FMN1: variants seen among roughly 807,000 people sequenced by gnomAD.
FMN1 encodes the protein formin-1.
A neutral mutation model predicts 132.4 loss-of-function variants in FMN1; 110 were observed. That is an observed-to-expected ratio of 0.83 (90% CI 0.71 to 0.97). FMN1 has a LOEUF of 0.97. Among genes scored for constraint, FMN1 ranks in the 50% least tolerant of loss-of-function variants. The pLI, the probability that FMN1 is intolerant of heterozygous loss-of-function variation, is 0.00. For synonymous variants in FMN1, 722 were observed against 651.7 expected (o/e 1.11, Z -1.64); for missense variants, 1,792 against 1,705.3 (o/e 1.05, Z -0.90).
intron 17 of FMN1, among the ~76,000 whole-genome samples, chr15:32,848,988 T>TTG (rs1555472109): frequency 4.4e-5 from 6 of 136,956 alleles, no homozygotes; most frequent in African/African-American, 1.7e-4. Context: ...TTTTTTTTTT[T>TTG]TTTTTTTTTT....
intron 6 of FMN1, among the ~76,000 whole-genome samples, chr15:33,030,026 C>T (rs1434545526): frequency 6.6e-6 from 1 of 152,068 alleles, no homozygotes; most frequent in Non-Finnish European, 1.5e-5. Context: ...GGCGTGGTGG[C>T]GGGTACCTGT....
chr15:32,847,580 C>T lies in FMN1; in HGVS notation c.3928+9435G>A, dbSNP rs7172013. ...TAAAAAACTAAGAGTTAAGGCCGGGCGTGGTGGCTCATGCCTGTAATCCCA... is the reference window on the plus strand; with the variant it reads ...TAAAAAACTAAGAGTTAAGGCCGGGTGTGGTGGCTCATGCCTGTAATCCCA... On this transcript the variant is annotated intron_variant, in intron 17 of 20. Transcript: ENST00000616417. Among the ~76,000 whole-genome samples the T allele has an allele frequency of 1.9e-3, 296 of 152,106 alleles. 2 individuals carry two copies. Among genetic ancestry groups the T allele is most frequent in the African/African-American group, 6.8e-3 (283 of 41,470 alleles).
intron 19 of FMN1, among the ~76,000 whole-genome samples, chr15:32,783,673 C>G (rs28449688): frequency 0.39 from 53,498 of 137,468 alleles, 10,503 homozygotes; most frequent in Middle Eastern, 0.48. Flanking sequence ...AACCCGGGGT[C>G]GGGGGAGCTT....
intron 16 of FMN1, among the ~76,000 whole-genome samples, chr15:32,861,263 C>T (rs2059262019): frequency 6.6e-6 from 1 of 152,246 alleles, no homozygotes; most frequent in Non-Finnish European, 1.5e-5. Context: ...GAAAGCAAAG[C>T]TGAAGGCAGA....
rs200723918 is a variant in FMN1 at position 32,766,534 on chromosome 15, C to T, written c.*7776G>A. 3.1e-5 allele frequency: 4 copies of T among 130,070 alleles called. No homozygotes were observed. The highest frequency in any genetic ancestry group is 1.6e-5 in the Non-Finnish European group (1 of 62,834). 8.1% of individuals were successfully genotyped at this position (130,070 alleles called of 1,614,324 possible). On this transcript the variant is annotated 3_prime_UTR_variant, in exon 21 of 21. Transcript: ENST00000616417. Reference sequence around the variant, plus strand: ...TTGAGAAGGCCTAGAATAAGAACCCCCCCCCCACCCCGCCCAATCTTCTTA... The same window carrying T: ...TTGAGAAGGCCTAGAATAAGAACCCTCCCCCCACCCCGCCCAATCTTCTTA...
intron 9 of FMN1, among the ~76,000 whole-genome samples, chr15:32,940,905 A>T (rs1004851284): frequency 2.0e-5 from 3 of 152,142 alleles, no homozygotes; most frequent in African/African-American, 7.2e-5. Flanking sequence ...TCAGTTTATC[A>T]CATTTGATTG....
intron 9 of FMN1, among the ~76,000 whole-genome samples, chr15:32,933,631 T>C (rs553543328): frequency 1.3e-5 from 2 of 152,314 alleles, no homozygotes; most frequent in South Asian, 2.1e-4. Context: ...ATTTGCTTCA[T>C]ATATTTGGCT....
intron 20 of FMN1, 74 bp from the exon 21 acceptor site, chr15:32,774,428 G>A: frequency 7.7e-7 from 1 of 1,305,770 alleles, no homozygotes; most frequent in Non-Finnish European, 1.1e-6. Flanking sequence ...CTCAAATTTT[G>A]GTCTAGAATG....
At chr15:33,018,550 G>A (rs746207724) in intron 6 of FMN1, among the ~76,000 whole-genome samples, 4 of 152,186 alleles carry the variant, frequency 2.6e-5, no homozygotes, top group Non-Finnish European at 5.9e-5. Flanking sequence ...GGTTCCCAGA[G>A]GGTGGTGCGC....
At chr15:33,066,669 T>TTA (rs767051953) in intron 5 of FMN1, 3 of 1,613,702 alleles carry the variant, frequency 1.9e-6, no homozygotes, top group Non-Finnish European at 2.5e-6. Flanking sequence ...AATAGGGCTT[T>TTA]AAAAGCCTCC....
chr15:33,128,960 A>AGAGTGCTGATTGGTCCATTTTACG (rs1963412759), intron 4 of FMN1, among the ~76,000 whole-genome samples: 2 of 152,206 alleles, frequency 1.3e-5, no homozygotes, highest in African/African-American at 4.8e-5. Context: ...TCCATTTTAC[A>AGAGTGCTGATTGGTCCATTTTACG]GAGTGCTGAT....
intron 4 of FMN1, among the ~76,000 whole-genome samples, chr15:33,124,279 G>A (rs1365528785): frequency 6.6e-6 from 1 of 152,196 alleles, no homozygotes; most frequent in Non-Finnish European, 1.5e-5. Flanking sequence ...GACATTCACT[G>A]TAGAAAAGTT....
At chr15:33,078,545 T>C (rs960467068) in intron 5 of FMN1, among the ~76,000 whole-genome samples, 1 of 152,150 alleles carries the variant, frequency 6.6e-6, no homozygotes. Context: ...GATGTTCCTA[T>C]GTGAGACACT....
intron 7 of FMN1, among the ~76,000 whole-genome samples, chr15:33,007,397 A>G (rs2034476959): frequency 6.6e-6 from 1 of 152,118 alleles, no homozygotes. Flanking sequence ...AAGATTCTGA[A>G]CTTTCTGCCA....
intron 6 of FMN1, among the ~76,000 whole-genome samples, chr15:33,011,916 T>C (rs114606254): frequency 0.014 from 2,113 of 152,316 alleles, 57 homozygotes; most frequent in African/African-American, 0.048. Flanking sequence ...CAATGGAAAC[T>C]TCCATACACT....
At chr15:33,048,903 T>C (rs942004626) in intron 6 of FMN1, among the ~76,000 whole-genome samples, 1 of 152,184 alleles carries the variant, frequency 6.6e-6, no homozygotes, top group Non-Finnish European at 1.5e-5. Context: ...GAATTCAAGA[T>C]AAGATTTGGG....
intron 16 of FMN1, among the ~76,000 whole-genome samples, chr15:32,879,050 G>C (rs1449587393): frequency 6.6e-6 from 1 of 152,022 alleles, no homozygotes; most frequent in East Asian, 1.9e-4. Flanking sequence ...TGTACAACTT[G>C]TCTTTGAAGG....
intron 17 of FMN1, among the ~76,000 whole-genome samples, chr15:32,811,536 T>TAA (rs573908455): frequency 4.1e-5 from 6 of 144,672 alleles, no homozygotes; most frequent in African/African-American, 1.0e-4. Context: ...AGTCATAAAA[T>TAA]AAAAAAAAAA....
chr15:32,848,977 GTTTTT>G (rs71113479), intron 17 of FMN1, among the ~76,000 whole-genome samples: 4,600 of 89,612 alleles, frequency 0.051, 248 homozygotes, highest in African/African-American at 0.17. Flanking sequence ...GTTCTCTTTT[GTTTTT>G]TTTTTTTTTT....
Sources: gnomAD v4.1 joint callset for allele counts (sites outside exome capture counted in the v4.1 genomes callset) on GRCh38, gnomAD v4.1.1 for gene constraint, MANE v1.5 for transcripts, NCBI Gene and HGNC (gene_info 2026-07-23, HGNC 2026-07-21) for gene names.